The following GPC6 variants were observed in gnomAD, a reference collection of about 807,000 sequenced individuals.
The protein encoded by GPC6 is glypican-6.
Under a neutral mutation model 55.2 loss-of-function variants are expected in GPC6, and 14 were observed. The ratio of observed to expected loss-of-function variants is 0.25; its 90% confidence interval spans 0.17 to 0.40. The LOEUF (loss-of-function observed/expected upper bound fraction) is 0.40. GPC6 is among the 10% of genes least tolerant of loss of function. The probability of loss-of-function intolerance (pLI) is 1.00; values close to 1 mark genes in which losing one functional copy is unlikely to be tolerated. For missense variants in GPC6, 641 were observed against 708.5 expected (o/e 0.90, Z 1.08); for synonymous variants, 278 against 259.6 (o/e 1.07, Z -0.68).
intron 1 of GPC6, among the ~76,000 whole-genome samples, chr13:93,354,516 A>AT (rs1348081980): frequency 5.8e-4 from 57 of 97,998 alleles, no homozygotes; most frequent in African/African-American, 2.0e-3. Context: ...ACACTCGGCT[A>AT]TTATTTTTTT....
Position 93,868,726 on chromosome 13 carries a change from T to A in GPC6, c.711+38181T>A, listed in dbSNP as rs563270048. Among the ~76,000 whole-genome samples the A allele has an allele frequency of 3.9e-5, 6 of 151,920 alleles. No homozygotes were observed. The East Asian group carries it at 1.2e-3, about 30-fold the overall frequency. ...GCACTTTTCATACTATTAATATTAT[T>A]TGAGAGACGAGCAGACACACCAAAC... On this transcript the variant is annotated intron_variant, in intron 3 of 8. Transcript: ENST00000377047.
chr13:93,575,214 C>T (rs1275299255), intron 2 of GPC6, among the ~76,000 whole-genome samples: 1 of 152,046 alleles, frequency 6.6e-6, no homozygotes, highest in African/African-American at 2.4e-5. Context: ...TCGCTTGAAC[C>T]CGGGAGGCGG....
At chr13:94,135,120 T>C in intron 4 of GPC6, among the ~76,000 whole-genome samples, 1 of 152,186 alleles carries the variant, frequency 6.6e-6, no homozygotes, top group Non-Finnish European at 1.5e-5. Context: ...GACATAGTAC[T>C]TATCTAGCTG....
chr13:94,108,806 C>T (rs1050902204), intron 4 of GPC6, among the ~76,000 whole-genome samples: 3 of 150,772 alleles, frequency 2.0e-5, no homozygotes, highest in Non-Finnish European at 2.9e-5. Flanking sequence ...GGCAGCATTG[C>T]ACTCCAGCCT....
At chr13:93,843,389 A>G (rs1888031220) in intron 3 of GPC6, among the ~76,000 whole-genome samples, 1 of 152,110 alleles carries the variant, frequency 6.6e-6, no homozygotes, top group Non-Finnish European at 1.5e-5. Flanking sequence ...TAGTTCCATA[A>G]CTTAGAAACA....
chr13:93,414,958 A>C (rs1293875042), intron 1 of GPC6, among the ~76,000 whole-genome samples: 1 of 152,206 alleles, frequency 6.6e-6, no homozygotes, highest in Non-Finnish European at 1.5e-5. Context: ...TTTTAGCAAG[A>C]AAACAAAAAC....
intron 2 of GPC6, among the ~76,000 whole-genome samples, chr13:93,581,540 T>G (rs1457484612): frequency 6.6e-6 from 1 of 152,120 alleles, no homozygotes; most frequent in Non-Finnish European, 1.5e-5. Context: ...AAAACCCATC[T>G]CTACAAAAAT....
At chr13:93,860,102 T>G (rs993341330) in intron 3 of GPC6, among the ~76,000 whole-genome samples, 1 of 151,718 alleles carries the variant, frequency 6.6e-6, no homozygotes, top group Non-Finnish European at 1.5e-5. Context: ...TACTCATTCT[T>G]TAGACACTAG....
chr13:93,644,186 T>C (rs1880078329), intron 2 of GPC6, among the ~76,000 whole-genome samples: 1 of 152,132 alleles, frequency 6.6e-6, no homozygotes, highest in Admixed American at 6.6e-5. Context: ...GGCTCAGAGT[T>C]ACTTCATTAT....
chr13:94,224,032 G>A (rs1277849844), intron 4 of GPC6, among the ~76,000 whole-genome samples: 1 of 151,986 alleles, frequency 6.6e-6, no homozygotes, highest in Non-Finnish European at 1.5e-5. Flanking sequence ...GCATTGATGT[G>A]TTTTTGTGGT....
At chr13:93,262,445 C>T (rs756454812) in intron 1 of GPC6, among the ~76,000 whole-genome samples, 1 of 152,134 alleles carries the variant, frequency 6.6e-6, no homozygotes, top group African/African-American at 2.4e-5. Context: ...CACATTGTGA[C>T]AAATCCTTCC....
chr13:93,935,544 A>G (rs1049591755), intron 3 of GPC6, among the ~76,000 whole-genome samples: 1 of 152,316 alleles, frequency 6.6e-6, no homozygotes, highest in African/African-American at 2.4e-5. Context: ...TATTGTGAAT[A>G]GTGCTGTGAT....
chr13:93,488,706 T>A (rs1879832061), intron 1 of GPC6, among the ~76,000 whole-genome samples: 1 of 152,202 alleles, frequency 6.6e-6, no homozygotes, highest in South Asian at 2.1e-4. Flanking sequence ...TGATTTGCAT[T>A]TCTCTGATGG....
At chr13:94,277,462 T>C (rs1892250545) in intron 4 of GPC6, among the ~76,000 whole-genome samples, 1 of 152,226 alleles carries the variant, frequency 6.6e-6, no homozygotes, top group African/African-American at 2.4e-5. Flanking sequence ...ATTTTGGCTT[T>C]TGTTGCAATT....
intron 1 of GPC6, among the ~76,000 whole-genome samples, chr13:93,258,112 T>C (rs1877016063): frequency 6.6e-6 from 1 of 152,142 alleles, no homozygotes; most frequent in African/African-American, 2.4e-5. Flanking sequence ...GAAATTCCCA[T>C]CCTCTTGAGT....
intron 2 of GPC6, among the ~76,000 whole-genome samples, chr13:93,738,188 C>T (rs1219407845): frequency 6.6e-6 from 1 of 152,164 alleles, no homozygotes; most frequent in African/African-American, 2.4e-5. Flanking sequence ...TCGAATATAT[C>T]TTCATGACCA....
At chr13:93,713,287 G>A (rs1163655312) in intron 2 of GPC6, among the ~76,000 whole-genome samples, 1 of 151,388 alleles carries the variant, frequency 6.6e-6, no homozygotes, top group Non-Finnish European at 1.5e-5. Context: ...ACCTAAAGAA[G>A]TAGAAAGGAG....
chr13:93,510,950 AAT>A (rs148310932), intron 1 of GPC6, among the ~76,000 whole-genome samples: 8,475 of 27,312 alleles, frequency 0.31, 2,333 homozygotes, highest in African/African-American at 0.52. Flanking sequence ...TCTTTTGAGA[AAT>A]ATATATATAT....
At chr13:93,797,738 G>A (rs1401825070) in intron 2 of GPC6, among the ~76,000 whole-genome samples, 2 of 152,172 alleles carry the variant, frequency 1.3e-5, no homozygotes, top group Non-Finnish European at 2.9e-5. Context: ...AGGCCAGACA[G>A]ACCACATTTT....
Sources: allele counts gnomAD v4.1 joint callset (sites outside exome capture counted in the v4.1 genomes callset), GRCh38; gene constraint gnomAD v4.1.1; transcripts MANE v1.5; gene names NCBI Gene and HGNC (gene_info 2026-07-23, HGNC 2026-07-21).